COL4A3: variants seen among roughly 807,000 people sequenced by gnomAD.
COL4A3 encodes the protein collagen type IV alpha 3 chain.
A neutral mutation model predicts 217.4 loss-of-function variants in COL4A3; 135 were observed. The ratio of observed to expected loss-of-function variants is 0.62; its 90% CI spans 0.54 to 0.72. The LOEUF (loss-of-function observed/expected upper bound fraction) is 0.72. Among genes scored for constraint, COL4A3 ranks in the 30% least tolerant of loss-of-function variants. COL4A3 has a pLI of 0.00. For synonymous variants in COL4A3, 690 were observed against 736.3 expected, an observed-to-expected ratio of 0.94 and a Z score of 1.02; for missense variants, 1,868 against 2,119.9, an observed-to-expected ratio of 0.88 and a Z score of 2.33.
chr2:227,261,583 GGAA>G (rs2070572360), intron 20 of COL4A3, among the ~76,000 whole-genome samples: 1 of 152,196 alleles, frequency 6.6e-6, no homozygotes, highest in African/African-American at 2.4e-5. Flanking sequence ...AATTTATAGT[GGAA>G]GAAGGAGTGG....
intron 5 of COL4A3, 146 bp downstream of exon 5, chr2:227,245,141 T>C (rs1200071937): frequency 3.9e-6 from 3 of 761,404 alleles, no homozygotes; most frequent in African/African-American, 1.7e-5. Flanking sequence ...ATTATACTAG[T>C]GTGTGGATTT....
rs1280735230 is a variant in COL4A3, at chr2:227,304,967, A to G, written c.4154-18A>G. On this transcript the variant is annotated intron_variant, in intron 46 of 51. Transcript: ENST00000396578. ...ATCCTATATGATAAAATGCAATACA[A>G]TGTTGGTTTTTGCCTAGGACCCTGT... 7.5e-6 allele frequency: 12 copies of G among 1,602,906 alleles called. No individual in the cohort carries two copies. Among genetic ancestry groups the G allele is most frequent in the Middle Eastern group, 1.7e-4 (1 of 6,010 alleles).
intron 23 of COL4A3, 147 bp downstream of exon 23, chr2:227,267,235 TA>T: frequency 1.5e-6 from 1 of 688,858 alleles, no homozygotes; most frequent in Non-Finnish European, 2.6e-6. Flanking sequence ...TCTATTAACA[TA>T]AAGTCAGCCA....
rs766233297 is a variant in COL4A3 at position 227,307,846 on chromosome 2, G to A, written c.4389G>A (p.Gly1463=). The A allele has an allele frequency of 7.4e-6, 12 of 1,614,058 alleles. No individual in the cohort carries two copies. Among genetic ancestry groups the A allele is most frequent in the Admixed American group, 5.0e-5 (3 of 60,000 alleles). The change falls in exon 48 of 52, where the codon GGG becomes GGA. Residue 1463 remains glycine, a synonymous_variant. Transcript: ENST00000396578. The part of the protein sequence containing the change: ...QTTAIPSCPE[G]TVPLYSGFSF... Reference sequence around the variant, plus strand: ...CAGCAATTCCTTCATGTCCAGAGGGGACAGTGCCACTCTACAGTGGGTTTT... The same window carrying A: ...CAGCAATTCCTTCATGTCCAGAGGGAACAGTGCCACTCTACAGTGGGTTTT...
chr2:227,165,088 C>T (rs2065186031), intron 1 of COL4A3, among the ~76,000 whole-genome samples: 1 of 152,128 alleles, frequency 6.6e-6, no homozygotes, highest in South Asian at 2.1e-4. Context: ...GACAGGCCTC[C>T]AGAGGTCAGT....
At chr2:227,269,743 T>C (rs536159002) in intron 23 of COL4A3, among the ~76,000 whole-genome samples, 167 bp from the exon 24 acceptor site, 204 of 152,320 alleles carry the variant, frequency 1.3e-3, no homozygotes, top group Non-Finnish European at 2.4e-3. Flanking sequence ...ACATGATCTC[T>C]TGTTCTGTTA....
intron 1 of COL4A3, among the ~76,000 whole-genome samples, chr2:227,177,302 A>T (rs964336310): frequency 7.3e-5 from 11 of 151,022 alleles, no homozygotes; most frequent in Non-Finnish European, 1.3e-4. Context: ...GGCGCCTGCC[A>T]CCACTCCCGG....
chr2:227,217,428 C>G (rs2067568265), intron 1 of COL4A3, among the ~76,000 whole-genome samples: 1 of 152,202 alleles, frequency 6.6e-6, no homozygotes, highest in Non-Finnish European at 1.5e-5. Context: ...ATTCACCAAG[C>G]AGCAGTATGT....
intron 7 of COL4A3, 108 bp from the exon 8 acceptor site, chr2:227,247,450 G>T (rs1015898505): frequency 1.0e-6 from 1 of 976,208 alleles, no homozygotes; most frequent in Non-Finnish European, 1.7e-6. Flanking sequence ...GCCGTGGGAG[G>T]TGTACAGTGG....
At chr2:227,267,144 G>T in intron 23 of COL4A3, 56 bp downstream of exon 23, 1 of 1,271,388 alleles carries the variant, frequency 7.9e-7, no homozygotes, top group Non-Finnish European at 1.1e-6. Flanking sequence ...CAATACACTG[G>T]AAGAAAATAA....
intron 21 of COL4A3, among the ~76,000 whole-genome samples, chr2:227,264,159 A>G (rs1194291614): frequency 1.3e-5 from 2 of 152,226 alleles, no homozygotes; most frequent in Non-Finnish European, 2.9e-5. Context: ...CGAGTTTCCC[A>G]GAGAGCAGAG....
intron 24 of COL4A3, 149 bp downstream of exon 24, chr2:227,270,129 G>A (rs1254714609): frequency 1.5e-6 from 1 of 681,258 alleles, no homozygotes. Context: ...ATCTGTGACT[G>A]ATTAAGTGAA....
chr2:227,173,892 C>G (rs572005457), intron 1 of COL4A3, among the ~76,000 whole-genome samples: 2 of 152,266 alleles, frequency 1.3e-5, no homozygotes, highest in Non-Finnish European at 2.9e-5. Context: ...CATTTTCAAG[C>G]ATCTATAGCC....
intron 1 of COL4A3, among the ~76,000 whole-genome samples, chr2:227,202,317 C>A (rs1424087345): frequency 1.3e-5 from 2 of 152,086 alleles, no homozygotes; most frequent in Non-Finnish European, 2.9e-5. Context: ...CATTGTTCTT[C>A]CTAACAAATG....
chr2:227,285,635 A>T (rs540356636), intron 34 of COL4A3, among the ~76,000 whole-genome samples: 8 of 152,344 alleles, frequency 5.3e-5, no homozygotes, highest in Admixed American at 1.3e-4. Context: ...TGGAAAAAAT[A>T]TGAATAGCAT....
At chr2:227,176,164 C>A (rs1253170783) in intron 1 of COL4A3, among the ~76,000 whole-genome samples, 1 of 152,094 alleles carries the variant, frequency 6.6e-6, no homozygotes. Context: ...TCAGTCTGTC[C>A]CGTTTAATTG....
chr2:227,254,541 G>T, intron 14 of COL4A3, 115 bp from the exon 15 acceptor site: 1 of 852,002 alleles, frequency 1.2e-6, no homozygotes. Flanking sequence ...AGATGGCTCA[G>T]CACTGAAACA....
intron 1 of COL4A3, among the ~76,000 whole-genome samples, chr2:227,212,398 A>T (rs901477364): frequency 1.1e-4 from 16 of 152,220 alleles, no homozygotes; most frequent in Non-Finnish European, 2.2e-4. Flanking sequence ...TAAAGGTTTT[A>T]AAATTTTGGC....
At chr2:227,231,940 A>G (rs911548461) in intron 1 of COL4A3, among the ~76,000 whole-genome samples, 1 of 151,308 alleles carries the variant, frequency 6.6e-6, no homozygotes, top group African/African-American at 2.4e-5. Flanking sequence ...TAATCATTCC[A>G]CCTCCCATCC....
Sources: allele counts gnomAD v4.1 joint callset (sites outside exome capture counted in the v4.1 genomes callset), GRCh38; gene constraint gnomAD v4.1.1; transcripts MANE v1.5; gene names NCBI Gene and HGNC (gene_info 2026-07-23, HGNC 2026-07-21).